The following DENND5A variants were observed in gnomAD, a reference collection of about 807,000 sequenced individuals.
DENND5A encodes DENN domain-containing protein 5A.
DENND5A carries 64 observed loss-of-function variants against 140.3 expected under a neutral mutation model. The observed-to-expected ratio is 0.46, with a 90% CI of 0.37 to 0.56. DENND5A has a LOEUF of 0.56. Ranked by LOEUF, DENND5A falls within the 20% of genes least tolerant of loss-of-function variation. DENND5A has a pLI of 0.00. For missense variants in DENND5A, 1,292 were observed against 1,593.8 expected (o/e 0.81, Z 3.22); for synonymous variants, 605 against 607.7 (o/e 1.00, Z 0.07).
chr11:9,264,571 T>C (rs940411118), intron 1 of DENND5A, among the ~76,000 whole-genome samples: 4 of 152,102 alleles, frequency 2.6e-5, no homozygotes, highest in Non-Finnish European at 5.9e-5. Flanking sequence ...AAGTTTTTGT[T>C]TTCCTTTTTT....
At chr11:9,261,229 T>C (rs747489260) in intron 1 of DENND5A, among the ~76,000 whole-genome samples, 2 of 152,170 alleles carry the variant, frequency 1.3e-5, no homozygotes, top group Non-Finnish European at 2.9e-5. Context: ...CCGAGCATCT[T>C]TGATTTGCTT....
chr11:9,141,568 C>T (rs953526345), intron 22 of DENND5A, among the ~76,000 whole-genome samples: 1 of 152,138 alleles, frequency 6.6e-6, no homozygotes, highest in Non-Finnish European at 1.5e-5. Context: ...AGCTTCCTGC[C>T]ACAGCAGCCT....
intron 12 of DENND5A, among the ~76,000 whole-genome samples, chr11:9,158,514 C>T (rs148543639): frequency 5.9e-4 from 90 of 152,166 alleles, no homozygotes; most frequent in Non-Finnish European, 1.0e-3. Context: ...TGCTAGTGCA[C>T]TCCAGCCTGG....
intron 1 of DENND5A, among the ~76,000 whole-genome samples, chr11:9,234,332 A>G (rs1382711312): frequency 2.6e-5 from 4 of 151,736 alleles, no homozygotes; most frequent in Non-Finnish European, 4.4e-5. Flanking sequence ...CAAAAAAATG[A>G]GCAAAAAGAG....
chr11:9,242,418 C>A (rs1428003964), intron 1 of DENND5A: 2 of 152,200 alleles, frequency 1.3e-5, no homozygotes, highest in South Asian at 2.1e-4. Flanking sequence ...ACACGCCTAA[C>A]CCCTCAGAAG....
Position 9,238,388 on chromosome 11 carries a change from T to C in DENND5A, c.109+26573A>G, listed in dbSNP as rs184318497. On this transcript the variant is annotated intron_variant, in intron 1 of 22. Transcript: ENST00000328194. The stretch of plus-strand genomic sequence containing the variant: ...ATATATATATTAAGCTATATACTTA[T>C]ATACTTAGAATTTGTGCACTTTACT... 2.3e-4 allele frequency among the ~76,000 whole-genome samples: 35 copies of C among 152,006 alleles called. No homozygotes were observed. The Middle Eastern group carries it at 0.01, about 44-fold the overall frequency.
At chr11:9,191,627 C>T (rs1465817837) in intron 5 of DENND5A, among the ~76,000 whole-genome samples, 5 of 152,138 alleles carry the variant, frequency 3.3e-5, no homozygotes, top group African/African-American at 4.8e-5. Flanking sequence ...TTTGTATAGC[C>T]GTATACATGA....
chr11:9,164,073 T>G (rs1436926724), intron 11 of DENND5A, among the ~76,000 whole-genome samples: 1 of 137,586 alleles, frequency 7.3e-6, no homozygotes, highest in Non-Finnish European at 1.6e-5. Context: ...TTTTTTTTTT[T>G]TTTTTTTTTT....
intron 1 of DENND5A, among the ~76,000 whole-genome samples, chr11:9,229,320 G>A (rs954021617): frequency 6.6e-6 from 1 of 152,042 alleles, no homozygotes; most frequent in Non-Finnish European, 1.5e-5. Context: ...CACATTTGGT[G>A]TCAGAGGTGT....
chr11:9,160,883 A>G lies in DENND5A; in HGVS notation c.2284-18T>C, dbSNP rs998240156. On this transcript the variant is annotated intron_variant, in intron 11 of 22. Transcript: ENST00000328194. ...CTCTTGGTCTACAAGGAAGCAGTCA[A>G]CAGGATTAAATAACCACAGTGAGCA... 3 of 1,612,892 alleles carry G rather than the reference A, an allele frequency of 1.9e-6. No homozygotes were observed. The highest frequency in any genetic ancestry group is 1.7e-6 in the Non-Finnish European group (2 of 1,179,038).
At chr11:9,166,781 G>A (rs1032384719) in intron 10 of DENND5A, among the ~76,000 whole-genome samples, 5 of 151,944 alleles carry the variant, frequency 3.3e-5, no homozygotes, top group South Asian at 4.2e-4. Flanking sequence ...GTGGTGAGCT[G>A]AGATCGCGCC....
At chr11:9,234,991 T>C (rs1181651909) in intron 1 of DENND5A, among the ~76,000 whole-genome samples, 1 of 152,064 alleles carries the variant, frequency 6.6e-6, no homozygotes, top group African/African-American at 2.4e-5. Context: ...TGGGTTAGGG[T>C]CTCCCTGACC....
chr11:9,259,845 A>G (rs1770234335), intron 1 of DENND5A, among the ~76,000 whole-genome samples: 1 of 152,032 alleles, frequency 6.6e-6, no homozygotes, highest in Non-Finnish European at 1.5e-5. Context: ...CCTGACCAAC[A>G]TGGCGAAATC....
At chr11:9,140,085 T>C in intron 22 of DENND5A, 1 of 1,279,986 alleles carries the variant, frequency 7.8e-7, no homozygotes, top group Non-Finnish European at 1.1e-6. Context: ...AGCCTCCTCC[T>C]CCCCTGCCTC....
At chr11:9,140,752 A>G (rs1449392009) in intron 22 of DENND5A, among the ~76,000 whole-genome samples, 1 of 152,152 alleles carries the variant, frequency 6.6e-6, no homozygotes, top group African/African-American at 2.4e-5. Context: ...CTACCTTTTC[A>G]GCATATTGTA....
intron 1 of DENND5A, among the ~76,000 whole-genome samples, chr11:9,247,910 T>C (rs1851547793): frequency 2.0e-5 from 3 of 152,148 alleles, no homozygotes; most frequent in Admixed American, 2.0e-4. Flanking sequence ...TGGGGTAAAA[T>C]ACTTTTATTT....
chr11:9,248,657 T>C (rs1176167567), intron 1 of DENND5A, among the ~76,000 whole-genome samples: 1 of 148,690 alleles, frequency 6.7e-6, no homozygotes, highest in Non-Finnish European at 1.5e-5. Flanking sequence ...TAATGAGGGA[T>C]GGCCAACCTC....
chr11:9,139,723 T>G lies in DENND5A; in HGVS notation c.3812A>C (p.Gln1271Pro). Residue 1271 changes from glutamine to proline, a missense_variant, in exon 23 of 23, where the codon CAG becomes CCG. This residue lies in a region of DENND5A where 498 missense variants were observed against 689.7 expected (regional missense o/e 0.72). Coordinates refer to ENST00000328194, the MANE Select transcript of DENND5A (RefSeq NM_015213.4). The part of the protein sequence containing the change: ...NSLIRVLQTL[Q>P]EFNITLETSL... ...CGTCTCCAGCGTGATGTTGAACTCC[T>G]GCAATGTCTGCAGCACACGAATCAA... 1 of 1,614,028 alleles carries G rather than the reference T, an allele frequency of 6.2e-7. No homozygotes were observed. Among genetic ancestry groups the G allele is most frequent in the Non-Finnish European group, 8.5e-7 (1 of 1,179,994 alleles).
intron 1 of DENND5A, among the ~76,000 whole-genome samples, chr11:9,228,813 G>A (rs552608987): frequency 6.6e-6 from 1 of 152,128 alleles, no homozygotes; most frequent in East Asian, 1.9e-4. Flanking sequence ...GCGTGAGCAC[G>A]AAGGCTCCAC....
Sources: gnomAD v4.1 joint callset for allele counts (sites outside exome capture counted in the v4.1 genomes callset) on GRCh38, gnomAD v4.1.1 for gene constraint, gnomAD v4.1.1 regional missense constraint, MANE v1.5 for transcripts, NCBI Gene and HGNC (gene_info 2026-07-23, HGNC 2026-07-21) for gene names.